Variants in EXOSC2 observed in about 807,000 individuals in gnomAD.
The protein encoded by EXOSC2 is exosome component 2.
A neutral mutation model predicts 37.6 loss-of-function variants in EXOSC2; 29 were observed. That is an observed-to-expected ratio of 0.77 (90% CI 0.57 to 1.05). The LOEUF (loss-of-function observed/expected upper bound fraction) is 1.05. Among genes scored for constraint, EXOSC2 ranks in the 50% least tolerant of loss-of-function variants. The pLI, the probability that EXOSC2 is intolerant of heterozygous loss-of-function variation, is 0.00. For missense variants in EXOSC2, 346 were observed against 365.6 expected (o/e 0.95, Z 0.44); for synonymous variants, 119 against 131.1 (o/e 0.91, Z 0.63).
At position 130,703,876 on chromosome 9, in the gene EXOSC2, T is replaced by G; in HGVS notation, c.*102T>G. The G allele has an allele frequency of 1.1e-6, 1 of 939,336 alleles. No homozygotes were observed. Among genetic ancestry groups the G allele is most frequent in the Non-Finnish European group, 1.6e-6 (1 of 622,984 alleles). The allele number at this position is 939,336 out of a possible 1,614,324, so 58.2% of individuals were successfully genotyped here. On this transcript the variant is annotated 3_prime_UTR_variant, in exon 9 of 9. Transcript: ENST00000372358. ...AGCAAAGACTCGAGAGATCATCCCT[T>G]TGTCTGCATTGACGGCCCTGTGACG...
rs940119321 is a variant in EXOSC2 at position 130,696,143 on chromosome 9, C to T, written c.224+550C>T. On this transcript the variant is annotated intron_variant, in intron 2 of 8. Coordinates refer to ENST00000372358, the MANE Select transcript of EXOSC2 (RefSeq NM_014285.7). ...CCTCCCAAAGTGCTGGGATTACAGG[C>T]GTGAGCCACTGTGCCTGGCCTAGGA... 1.1e-4 allele frequency among the ~76,000 whole-genome samples: 17 copies of T among 152,276 alleles called. No individual in the cohort carries two copies. In the South Asian group the frequency reaches 2.3e-3, roughly 20 times the overall value.
Position 130,703,872 on chromosome 9 carries a change from C to T in EXOSC2, c.*98C>T, listed in dbSNP as rs895656777. 18 of 995,616 alleles carry T rather than the reference C, an allele frequency of 1.8e-5. No homozygotes were observed. The highest frequency in any genetic ancestry group is 2.5e-5 in the Non-Finnish European group (17 of 669,972). 61.7% of individuals were successfully genotyped at this position (995,616 alleles called of 1,614,324 possible). A position where few individuals can be genotyped will look rare whatever the true frequency, so the allele number is the denominator to read the frequency against. On this transcript the variant is annotated 3_prime_UTR_variant, in exon 9 of 9. Transcript: ENST00000372358. ...GCTCAGCAAAGACTCGAGAGATCATCCCTTTGTCTGCATTGACGGCCCTGT... is the reference window on the plus strand; with the variant it reads ...GCTCAGCAAAGACTCGAGAGATCATTCCTTTGTCTGCATTGACGGCCCTGT...
chr9:130,702,860 T>C (rs1385796029), intron 7 of EXOSC2, among the ~76,000 whole-genome samples, 193 bp from the exon 8 acceptor site: 1 of 152,210 alleles, frequency 6.6e-6, no homozygotes, highest in Non-Finnish European at 1.5e-5. Flanking sequence ...CCCAAAGTGC[T>C]GGGATTACAG....
Position 130,700,901 on chromosome 9 carries a change from T to C in EXOSC2, c.461T>C (p.Val154Ala), listed in dbSNP as rs778026107. The C allele has an allele frequency of 6.2e-7, 1 of 1,614,064 alleles. No homozygotes were observed. Among genetic ancestry groups the C allele is most frequent in the East Asian group, 2.2e-5 (1 of 44,864 alleles). ...CAGGCAGTGTTCTCTGACGGAGCTG[T>C]CTCTTTGCACACGAGGAGCCTGAAA... Reference protein sequence around the residue: ...EVQAVFSDGAVSLHTRSLKYG... With the variant: ...EVQAVFSDGAASLHTRSLKYG... Residue 154 changes from valine to alanine, a missense_variant, in exon 6 of 9, where the codon GTC becomes GCC. Physicochemically the swap from Val to Ala is moderately conservative, Grantham distance 64 (BLOSUM62 0). Transcript: ENST00000372358.
At chr9:130,703,615 T>A in intron 8 of EXOSC2, 79 bp from the exon 9 acceptor site, 2 of 1,121,844 alleles carry the variant, frequency 1.8e-6, no homozygotes, top group Non-Finnish European at 1.3e-6. Flanking sequence ...TGTTAACGGC[T>A]TGATTTATGT....
rs371501959 is a variant in EXOSC2 at position 130,703,736 on chromosome 9, A to T, written c.844A>T (p.Met282Leu). 3.1e-5 allele frequency: 50 copies of T among 1,613,820 alleles called. No individual in the cohort carries two copies. The highest frequency in any genetic ancestry group is 5.1e-6 in the Non-Finnish European group (6 of 1,179,890). The change falls in exon 9 of 9, where the codon ATG becomes TTG. Residue 282 changes from methionine (M) to leucine (L), a missense_variant. Coordinates refer to ENST00000372358, the MANE Select transcript of EXOSC2 (RefSeq NM_014285.7). ...GCCAGAAATAATGGAGGAGATTGTG[A>T]TGGAAACACGCCAGAGGCTTTTGGA... ...LKPEIMEEIV[M>L]ETRQRLLEQE...
Position 130,693,842 on chromosome 9 carries a change from A to C in EXOSC2, c.51A>C (p.Arg17Ser). The change falls in exon 1 of 9, where the codon AGA becomes AGC. Residue 17 changes from arginine to serine, a missense_variant. Physicochemically the swap from Arg to Ser is moderately radical, Grantham distance 110. Transcript: ENST00000372358. The stretch of plus-strand genomic sequence containing the variant: ...TGGCTCGCAAGCCTCTTAGCGAGAG[A>C]CTGGGCCGCGACACTAAGAAACATC... The part of the protein sequence containing the change: ...LPVARKPLSE[R>S]LGRDTKKHLV... 1 of 1,611,268 alleles carries C rather than the reference A, an allele frequency of 6.2e-7. No homozygotes were observed. Among genetic ancestry groups the C allele is most frequent in the Non-Finnish European group, 8.5e-7 (1 of 1,178,362 alleles).
chr9:130,701,810 C>T, intron 6 of EXOSC2: 36 of 1,082,406 alleles, frequency 3.3e-5, no homozygotes, highest in Non-Finnish European at 3.9e-5. Flanking sequence ...CCTGGGCCAG[C>T]AGGAGGCTCC....
At position 130,703,974 on chromosome 9, in the gene EXOSC2, G is replaced by C. The variant is rs1831273731; in HGVS notation, c.*200G>C. 2.2e-6 allele frequency: 1 copy of C among 445,658 alleles called. No individual in the cohort carries two copies. Among genetic ancestry groups the C allele is most frequent in the Non-Finnish European group, 4.0e-6 (1 of 251,066 alleles). The allele number at this position is 445,658 out of a possible 1,614,324, so 27.6% of individuals were successfully genotyped here. Reference sequence around the variant, plus strand: ...GGTGGCAGATGAACAGTGCTTCCTTGGGTTGCCAGCTGAGTCCCGGTATTA... The same window carrying C: ...GGTGGCAGATGAACAGTGCTTCCTTCGGTTGCCAGCTGAGTCCCGGTATTA... On this transcript the variant is annotated 3_prime_UTR_variant, in exon 9 of 9. Coordinates refer to ENST00000372358, the MANE Select transcript of EXOSC2 (RefSeq NM_014285.7).
rs1171353291 is a variant in EXOSC2, at chr9:130,702,300, C to T, written c.662C>T (p.Ala221Val). 1 of 1,613,718 alleles carries T rather than the reference C, an allele frequency of 6.2e-7. No homozygotes were observed. The highest frequency in any genetic ancestry group is 8.5e-7 in the Non-Finnish European group (1 of 1,179,806). ...GAAGAGGAAGCAGGGGGCTTCATTG[C>T]AAACCTGGAGGTGAGCAAACACTGT... Reference protein sequence around the residue: ...HKEEEAGGFIANLEPVSLADR... With the variant: ...HKEEEAGGFIVNLEPVSLADR... Residue 221 changes from alanine to valine, a missense_variant, in exon 7 of 9, where the codon GCA (alanine) becomes GTA (valine). By Grantham distance (64) the Ala-to-Val change is moderately conservative. Transcript: ENST00000372358.
At chr9:130,702,065 T>C in intron 6 of EXOSC2, 69 bp from the exon 7 acceptor site, 1 of 1,555,154 alleles carries the variant, frequency 6.4e-7, no homozygotes, top group South Asian at 1.2e-5. Context: ...AGGATGTATA[T>C]TCTGTAGTCT....
Position 130,703,125 on chromosome 9 carries a change from A to G in EXOSC2, c.745A>G (p.Met249Val). 6.2e-7 allele frequency: 1 copy of G among 1,613,960 alleles called. No individual in the cohort carries two copies. Among genetic ancestry groups the G allele is most frequent in the African/African-American group, 1.3e-5 (1 of 75,016 alleles). The stretch of plus-strand genomic sequence containing the variant: ...CATCATCTCGCTGGTAACTCAGAGG[A>G]TGATGCTGTATGATACCAGCATCCT... ...NCIISLVTQR[M>V]MLYDTSILYC... Residue 249 changes from methionine (M) to valine (V), a missense_variant, in exon 8 of 9, where the codon ATG (methionine) becomes GTG (valine). By Grantham distance (21) the Met-to-Val change is conservative. Coordinates refer to ENST00000372358, the MANE Select transcript of EXOSC2 (RefSeq NM_014285.7).
rs191151727 is a variant in EXOSC2 at position 130,696,931 on chromosome 9, A to G, written c.225-651A>G. 3.5e-3 allele frequency among the ~76,000 whole-genome samples: 529 copies of G among 152,268 alleles called. 2 individuals carry two copies. Among genetic ancestry groups the G allele is most frequent in the South Asian group, 5.0e-3 (24 of 4,824 alleles). ...TGGAGGACTGGAGGGGGCTGCGGGAAAGCTTAGTTTTGTGCTTGATACATT... is the reference window on the plus strand; with the variant it reads ...TGGAGGACTGGAGGGGGCTGCGGGAGAGCTTAGTTTTGTGCTTGATACATT... On this transcript the variant is annotated intron_variant, in intron 2 of 8. Coordinates refer to ENST00000372358, the MANE Select transcript of EXOSC2 (RefSeq NM_014285.7).
At chr9:130,701,336 G>T (rs770263643) in intron 6 of EXOSC2, 9 of 163,890 alleles carry the variant, frequency 5.5e-5, no homozygotes, top group Non-Finnish European at 1.1e-4. Flanking sequence ...AATCAGTCCA[G>T]TGGATGTTAT....
At chr9:130,701,488 G>A (rs1000064620) in intron 6 of EXOSC2, 2 of 578,774 alleles carry the variant, frequency 3.5e-6, no homozygotes, top group South Asian at 1.5e-4. Flanking sequence ...TAGTCTCTTA[G>A]CTTTATCTGG....
chr9:130,697,702 C>T, intron 3 of EXOSC2, 75 bp downstream of exon 3: 1 of 1,373,876 alleles, frequency 7.3e-7, no homozygotes, highest in Non-Finnish European at 1.0e-6. Flanking sequence ...AGTCATTCCA[C>T]TTGTAGTTAC....
chr9:130,697,200 C>T (rs959873986), intron 2 of EXOSC2, among the ~76,000 whole-genome samples: 5 of 152,154 alleles, frequency 3.3e-5, no homozygotes, highest in South Asian at 4.1e-4. Flanking sequence ...GTGGAGGAGA[C>T]GTGAGCAGAC....
chr9:130,700,329 T>TTTTATTTA lies in EXOSC2; in HGVS notation c.427-502_427-495dup, dbSNP rs367666983. Among the ~76,000 whole-genome samples the TTTTATTTA allele has an allele frequency of 6.6e-3, 926 of 140,654 alleles. 5 individuals carry two copies. The highest frequency in any genetic ancestry group is 0.011 in the African/African-American group (424 of 37,492). The allele number at this position is 140,654 out of a possible 152,430, so 92.3% of individuals were successfully genotyped here. A position where few individuals can be genotyped will look rare whatever the true frequency, so the allele number is the denominator to read the frequency against. ...CCACCATGCCTGGCCTCTGTCTTTA[T>TTTTATTTA]TTTATTTATTTATTTATTTATTTAT... On this transcript the variant is annotated intron_variant, in intron 5 of 8. Coordinates refer to ENST00000372358, the MANE Select transcript of EXOSC2 (RefSeq NM_014285.7).
rs1831039414 is a variant in EXOSC2 at position 130,694,051 on chromosome 9, G to C, written c.122+138G>C. On this transcript the variant is annotated intron_variant, in intron 1 of 8. Transcript: ENST00000372358. The surrounding 1 kb of genome is among the most constrained non-coding windows in gnomAD (Gnocchi z 4.0). The stretch of plus-strand genomic sequence containing the variant: ...TTCGTCTGAGCATCCTACACACCTC[G>C]CTTCCGAGCCTCGTGCTTCTTGCTC... 1.0e-6 allele frequency: 1 copy of C among 991,832 alleles called. No homozygotes were observed. 61.4% of individuals were successfully genotyped at this position (991,832 alleles called of 1,614,324 possible). A position where few individuals can be genotyped will look rare whatever the true frequency, so the allele number is the denominator to read the frequency against.
Sources: gnomAD v4.1 joint callset for allele counts (sites outside exome capture counted in the v4.1 genomes callset) on GRCh38, gnomAD v4.1.1 for gene constraint, Gnocchi (gnomAD v3.1) non-coding constraint, MANE v1.5 for transcripts, NCBI Gene and HGNC (gene_info 2026-07-23, HGNC 2026-07-21) for gene names.